Variants in FGF14 observed in about 807,000 individuals in gnomAD.
FGF14 encodes the protein fibroblast growth factor homologous factor 4.
In FGF14, 5 loss-of-function variants were observed where a neutral mutation model predicts 25.5. The ratio of observed to expected loss-of-function variants is 0.20; its 90% CI spans 0.10 to 0.41. FGF14 has a LOEUF of 0.41. Ranked by LOEUF, FGF14 falls within the 10% of genes least tolerant of loss-of-function variation. The pLI, the probability that FGF14 is intolerant of heterozygous loss-of-function variation, is 1.00. For synonymous variants in FGF14, 138 were observed against 118.3 expected (o/e 1.17, Z -1.08); for missense variants, 222 against 320.1 (o/e 0.69, Z 2.34).
intron 1 of FGF14, among the ~76,000 whole-genome samples, chr13:101,985,622 T>C (rs2038531507): frequency 6.6e-6 from 1 of 151,934 alleles, no homozygotes; most frequent in African/African-American, 2.4e-5. Context: ...TAAAAAAGAG[T>C]CTACGGTTGT....
At chr13:102,324,034 C>T (rs2056339973) in intron 1 of FGF14, among the ~76,000 whole-genome samples, 2 of 150,560 alleles carry the variant, frequency 1.3e-5, no homozygotes, top group African/African-American at 4.9e-5. Flanking sequence ...TGTATGTGAG[C>T]ACAGGCACAC....
chr13:102,133,075 T>C (rs1432331822), intron 1 of FGF14, among the ~76,000 whole-genome samples: 1 of 152,206 alleles, frequency 6.6e-6, no homozygotes, highest in Non-Finnish European at 1.5e-5. Flanking sequence ...TTGAAATGGA[T>C]TGTTGACCAT....
chr13:102,364,463 G>T (rs1445595175), intron 1 of FGF14, among the ~76,000 whole-genome samples: 6 of 152,098 alleles, frequency 3.9e-5, no homozygotes, highest in Non-Finnish European at 8.8e-5. Context: ...GTTTGTTCAG[G>T]CAGTTTCAAA....
intron 1 of FGF14, among the ~76,000 whole-genome samples, chr13:102,107,062 T>G (rs2044957998): frequency 6.6e-6 from 1 of 152,204 alleles, no homozygotes; most frequent in African/African-American, 2.4e-5. Context: ...TTCTTTGATG[T>G]TTGGGCTTAT....
chr13:102,113,072 C>A (rs2045309368), intron 1 of FGF14, among the ~76,000 whole-genome samples: 1 of 152,132 alleles, frequency 6.6e-6, no homozygotes, highest in South Asian at 2.1e-4. Context: ...TTGGTTTTTA[C>A]CTGTGAATTC....
chr13:101,874,478 G>A (rs2045284933), intron 2 of FGF14, among the ~76,000 whole-genome samples: 1 of 152,078 alleles, frequency 6.6e-6, no homozygotes, highest in South Asian at 2.1e-4. Context: ...AAATGAATCA[G>A]ATGCCAATAT....
At chr13:102,102,935 G>A (rs760394918) in intron 1 of FGF14, among the ~76,000 whole-genome samples, 19 of 152,142 alleles carry the variant, frequency 1.2e-4, no homozygotes, top group South Asian at 2.1e-4. Context: ...GCAAATCCTC[G>A]TTCTAGTACA....
intron 1 of FGF14, among the ~76,000 whole-genome samples, chr13:102,268,505 T>C (rs2053100083): frequency 6.6e-6 from 1 of 152,030 alleles, no homozygotes. Flanking sequence ...TATATAATGT[T>C]GTGGATACAG....
chr13:102,217,730 C>G (rs747804479), intron 1 of FGF14, among the ~76,000 whole-genome samples: 34 of 152,142 alleles, frequency 2.2e-4, no homozygotes, highest in Non-Finnish European at 4.0e-4. Flanking sequence ...CACACAACTC[C>G]GCAGGCAGAG....
intron 1 of FGF14, among the ~76,000 whole-genome samples, chr13:102,130,567 C>G (rs1165359803): frequency 6.6e-6 from 1 of 152,138 alleles, no homozygotes; most frequent in Non-Finnish European, 1.5e-5. Context: ...ATTAATACCC[C>G]CTTTGTCAGA....
intron 1 of FGF14, among the ~76,000 whole-genome samples, chr13:102,256,748 A>G (rs865931233): frequency 6.6e-6 from 1 of 152,208 alleles, no homozygotes; most frequent in South Asian, 2.1e-4. Context: ...AGCTTAACAA[A>G]TGGGTGACAT....
At chr13:102,227,608 G>A (rs991510442) in intron 1 of FGF14, among the ~76,000 whole-genome samples, 1 of 152,018 alleles carries the variant, frequency 6.6e-6, no homozygotes, top group South Asian at 2.1e-4. Context: ...ACAACTCTAT[G>A]CAACGTCAGT....
chr13:101,732,302 A>C (rs77342095), intron 3 of FGF14, among the ~76,000 whole-genome samples: 3,850 of 152,284 alleles, frequency 0.025, 156 homozygotes, highest in African/African-American at 0.088. Flanking sequence ...TCACCATTTA[A>C]GGGAAAACTA....
chr13:101,900,175 G>A (rs562172235), intron 1 of FGF14, among the ~76,000 whole-genome samples: 1 of 152,190 alleles, frequency 6.6e-6, no homozygotes, highest in Non-Finnish European at 1.5e-5. Context: ...CTACTTTTTA[G>A]TGTAGCTAAA....
chr13:101,734,819 T>C (rs1168681449), intron 3 of FGF14, among the ~76,000 whole-genome samples: 1 of 152,188 alleles, frequency 6.6e-6, no homozygotes, highest in African/African-American at 2.4e-5. Context: ...CTTGCCCGAG[T>C]ACGTTACTTT....
intron 1 of FGF14, among the ~76,000 whole-genome samples, chr13:102,288,116 T>G (rs539165602): frequency 5.0e-4 from 76 of 152,358 alleles, no homozygotes; most frequent in African/African-American, 1.7e-3. Context: ...CAATACTACT[T>G]TGAAACAATG....
chr13:101,946,297 C>T (rs1013057795), intron 1 of FGF14, among the ~76,000 whole-genome samples: 12 of 147,302 alleles, frequency 8.1e-5, no homozygotes, highest in African/African-American at 3.0e-4. Context: ...GTTGTCCCCA[C>T]ATCTACCCAA....
chr13:102,377,558 C>A (rs538781866), intron 1 of FGF14, among the ~76,000 whole-genome samples: 2 of 152,250 alleles, frequency 1.3e-5, no homozygotes, highest in East Asian at 3.9e-4. Context: ...CCTGTAATCC[C>A]AGCACTTTGG....
rs182165699 is a variant in FGF14 at position 102,352,788 on chromosome 13, G to C, written c.208+48683C>G. On this transcript the variant is annotated intron_variant, in intron 1 of 4. Transcript: ENST00000376131. ...GATCGCGCCACTGCACTCCAGCCTGGGCGACAGAGCGAGACTCTGTCTCAA... is the reference window on the plus strand; with the variant it reads ...GATCGCGCCACTGCACTCCAGCCTGCGCGACAGAGCGAGACTCTGTCTCAA... Among the ~76,000 whole-genome samples, 1,324 of 150,112 alleles carry C rather than the reference G, an allele frequency of 8.8e-3. 17 individuals are homozygous for C. Among genetic ancestry groups the C allele is most frequent in the African/African-American group, 0.031 (1,257 of 40,608 alleles).
Sources: gnomAD v4.1 joint callset for allele counts (sites outside exome capture counted in the v4.1 genomes callset) on GRCh38, gnomAD v4.1.1 for gene constraint, MANE v1.5 for transcripts, NCBI Gene and HGNC (gene_info 2026-07-23, HGNC 2026-07-21) for gene names.